COL23A1: variants seen among roughly 807,000 people sequenced by gnomAD.
The protein encoded by COL23A1 is collagen alpha-1(XXIII) chain.
In COL23A1, 97 loss-of-function variants were observed where a neutral mutation model predicts 99.3. The observed-to-expected ratio is 0.98, with a 90% CI of 0.83 to 1.16. The LOEUF (loss-of-function observed/expected upper bound fraction) is 1.16, where lower values mean the gene tolerates loss of function less well. COL23A1 is among the 50% of genes most tolerant of loss of function. The probability of loss-of-function intolerance (pLI) is 0.00; values close to 1 mark genes in which losing one functional copy is unlikely to be tolerated. For synonymous variants in COL23A1, 320 were observed against 308.2 expected (o/e 1.04, Z -0.40); for missense variants, 762 against 757.4 (o/e 1.01, Z -0.07).
intron 5 of COL23A1, among the ~76,000 whole-genome samples, chr5:178,285,912 T>C (rs1356457253): frequency 6.6e-6 from 1 of 152,224 alleles, no homozygotes; most frequent in African/African-American, 2.4e-5. Flanking sequence ...GGTCCTCCCC[T>C]TCCTCGAATG....
Position 178,552,724 on chromosome 5 carries a change from AAT to A in COL23A1, c.361+7956_361+7957del, listed in dbSNP as rs1358685257. Among the ~76,000 whole-genome samples, 427 of 117,798 alleles carry A rather than the reference AAT, an allele frequency of 3.6e-3. 3 individuals carry two copies. Among genetic ancestry groups the A allele is most frequent in the African/African-American group, 0.016 (389 of 24,696 alleles). 77.3% of individuals were successfully genotyped at this position (117,798 alleles called of 152,430 possible). A position where few individuals can be genotyped will look rare whatever the true frequency, so the allele number is the denominator to read the frequency against. On this transcript the variant is annotated intron_variant, in intron 2 of 28. Transcript: ENST00000390654. ...AAAAAATTAAAAAAAAAAAAAAAAAAATTTTTTTCAGACAGAGTCTCACTCTG... is the reference window on the plus strand; with the variant it reads ...AAAAAATTAAAAAAAAAAAAAAAAAATTTTTTCAGACAGAGTCTCACTCTG...
intron 2 of COL23A1, among the ~76,000 whole-genome samples, chr5:178,375,372 G>A (rs12519834): frequency 0.095 from 14,503 of 152,198 alleles, 787 homozygotes; most frequent in South Asian, 0.17. Context: ...AAACCCTACC[G>A]ACTGCCTCCA....
At chr5:178,336,474 T>A (rs1460039247) in intron 2 of COL23A1, among the ~76,000 whole-genome samples, 2 of 152,244 alleles carry the variant, frequency 1.3e-5, no homozygotes, top group Non-Finnish European at 1.5e-5. Flanking sequence ...GCTAAGTGAA[T>A]GAAGCCAGGC....
chr5:178,516,589 T>G (rs970412199), intron 2 of COL23A1, among the ~76,000 whole-genome samples: 1 of 152,224 alleles, frequency 6.6e-6, no homozygotes, highest in Non-Finnish European at 1.5e-5. Flanking sequence ...GCTGAAATCT[T>G]ATTTCCTGGA....
At chr5:178,358,330 G>T (rs1761913922) in intron 2 of COL23A1, among the ~76,000 whole-genome samples, 1 of 148,626 alleles carries the variant, frequency 6.7e-6, no homozygotes. Flanking sequence ...GTATGTGTAT[G>T]TATGTCTAAT....
intron 2 of COL23A1, among the ~76,000 whole-genome samples, chr5:178,445,883 T>C (rs1416458098): frequency 6.6e-6 from 1 of 152,100 alleles, no homozygotes; most frequent in East Asian, 1.9e-4. Context: ...GCAATATATA[T>C]TCAAGACAAA....
Position 178,354,746 on chromosome 5 carries a change from C to T in COL23A1, c.362-47827G>A, listed in dbSNP as rs184332002. On this transcript the variant is annotated intron_variant, in intron 2 of 28. Coordinates refer to ENST00000390654, the MANE Select transcript of COL23A1 (RefSeq NM_173465.4). ...ATGCTTCCCGTACAGACTGTGAAAA[C>T]GCGAGCCAATTAAACCCTCTTTTCT... 3.2e-3 allele frequency among the ~76,000 whole-genome samples: 492 copies of T among 152,258 alleles called. 2 individuals carry two copies. Among genetic ancestry groups the T allele is most frequent in the African/African-American group, 0.011 (437 of 41,544 alleles).
chr5:178,324,401 T>C (rs964475153), intron 2 of COL23A1, among the ~76,000 whole-genome samples: 1 of 152,192 alleles, frequency 6.6e-6, no homozygotes, highest in African/African-American at 2.4e-5. Context: ...TCAGGATGGC[T>C]GGAGTCAAGT....
chr5:178,453,258 G>C (rs968302811), intron 2 of COL23A1, among the ~76,000 whole-genome samples: 1 of 152,222 alleles, frequency 6.6e-6, no homozygotes, highest in Non-Finnish European at 1.5e-5. Context: ...AAGCTCTAGT[G>C]TTCAGTGGGG....
rs187575513 is a variant in COL23A1 at position 178,435,930 on chromosome 5, C to T, written c.361+124752G>A. ...ATTTTAGGACTGTTTGACTCTTGCC[C>T]GGGATGAGTTTACAGAACAAGAGGG... On this transcript the variant is annotated intron_variant, in intron 2 of 28. Coordinates refer to ENST00000390654, the MANE Select transcript of COL23A1 (RefSeq NM_173465.4). Among the ~76,000 whole-genome samples the T allele has an allele frequency of 6.0e-4, 91 of 152,260 alleles. 2 individuals are homozygous for T. The East Asian group carries it at 0.016, about 27-fold the overall frequency.
intron 2 of COL23A1, among the ~76,000 whole-genome samples, chr5:178,457,187 A>T (rs1228290985): frequency 6.6e-6 from 1 of 152,148 alleles, no homozygotes; most frequent in African/African-American, 2.4e-5. Flanking sequence ...TAAAAGTCAA[A>T]GGTGAAGATG....
At position 178,387,934 on chromosome 5, in the gene COL23A1, C is replaced by T. The variant is rs1763759340; in HGVS notation, c.362-81015G>A. Among the ~76,000 whole-genome samples, 1 of 152,150 alleles carries T rather than the reference C, an allele frequency of 6.6e-6. No homozygotes were observed. The highest frequency in any genetic ancestry group is 1.5e-5 in the Non-Finnish European group (1 of 68,034). Reference sequence around the variant, plus strand: ...AGCTGTGGTGGCACTGCAAGAACTGCCAGTGAAGGACAGAAATGGGCAAGT... The same window carrying T: ...AGCTGTGGTGGCACTGCAAGAACTGTCAGTGAAGGACAGAAATGGGCAAGT... On this transcript the variant is annotated intron_variant, in intron 2 of 28. Coordinates refer to ENST00000390654, the MANE Select transcript of COL23A1 (RefSeq NM_173465.4). This position sits in a 1 kb window ranked among gnomAD's most constrained non-coding sequence, Gnocchi z 4.7.
chr5:178,474,088 A>G (rs764941895), intron 2 of COL23A1, among the ~76,000 whole-genome samples: 4 of 152,220 alleles, frequency 2.6e-5, no homozygotes, highest in Admixed American at 6.5e-5. Flanking sequence ...ACTCTGAAAC[A>G]TTCTCCAGAG....
At chr5:178,317,404 T>C (rs1368854877) in intron 2 of COL23A1, among the ~76,000 whole-genome samples, 2 of 152,226 alleles carry the variant, frequency 1.3e-5, no homozygotes, top group Non-Finnish European at 2.9e-5. Context: ...TTCTAAAATG[T>C]ATATCCCTAG....
At chr5:178,376,682 G>A (rs1763087340) in intron 2 of COL23A1, among the ~76,000 whole-genome samples, 1 of 152,206 alleles carries the variant, frequency 6.6e-6, no homozygotes, top group Non-Finnish European at 1.5e-5. Flanking sequence ...CATGCCCAAG[G>A]CCACACAGCT....
intron 2 of COL23A1, among the ~76,000 whole-genome samples, chr5:178,385,832 A>G (rs1014086243): frequency 6.6e-6 from 1 of 152,236 alleles, no homozygotes; most frequent in Non-Finnish European, 1.5e-5. Flanking sequence ...CTGGGATCAG[A>G]AAGTTCCCGT....
intron 2 of COL23A1, among the ~76,000 whole-genome samples, chr5:178,422,706 C>T (rs1339700732): frequency 6.6e-6 from 1 of 152,156 alleles, no homozygotes; most frequent in African/African-American, 2.4e-5. Context: ...AATCACTCTG[C>T]ATTTCCACGT....
intron 5 of COL23A1, among the ~76,000 whole-genome samples, chr5:178,275,636 G>A (rs886856320): frequency 3.9e-5 from 6 of 152,072 alleles, no homozygotes; most frequent in Non-Finnish European, 7.4e-5. Context: ...TCAGAATCGC[G>A]CAGGTTCTCT....
intron 2 of COL23A1, among the ~76,000 whole-genome samples, chr5:178,401,033 A>G (rs892348241): frequency 6.6e-6 from 1 of 152,060 alleles, no homozygotes; most frequent in Non-Finnish European, 1.5e-5. Flanking sequence ...GGTAACCTCC[A>G]CTCTACTTTC....
Sources: allele counts gnomAD v4.1 joint callset (sites outside exome capture counted in the v4.1 genomes callset), GRCh38; gene constraint gnomAD v4.1.1; non-coding constraint Gnocchi (gnomAD v3.1); transcripts MANE v1.5; gene names NCBI Gene and HGNC (gene_info 2026-07-23, HGNC 2026-07-21).